Variants in ADGRB3 observed in about 807,000 individuals in gnomAD.
ADGRB3 encodes brain-specific angiogenesis inhibitor 3.
A neutral mutation model predicts 193.4 loss-of-function variants in ADGRB3; 37 were observed. The observed-to-expected ratio is 0.19, with a 90% CI of 0.15 to 0.25. ADGRB3 has a LOEUF of 0.25. Among genes scored for constraint, ADGRB3 ranks in the 10% least tolerant of loss-of-function variants. ADGRB3 has a pLI of 1.00. For synonymous variants in ADGRB3, 690 were observed against 644.2 expected, an observed-to-expected ratio of 1.07 and a Z score of -1.08; for missense variants, 1,637 against 1,852.9, an observed-to-expected ratio of 0.88 and a Z score of 2.14.
intron 17 of ADGRB3, among the ~76,000 whole-genome samples, chr6:69,198,186 ATAAG>A (rs1198166499): frequency 6.6e-6 from 1 of 152,114 alleles, no homozygotes; most frequent in Non-Finnish European, 1.5e-5. Context: ...ATACTAAAAT[ATAAG>A]TTCTGTGAGA....
At chr6:69,283,669 TA>T (rs1767487787) in intron 20 of ADGRB3, among the ~76,000 whole-genome samples, 2 of 151,994 alleles carry the variant, frequency 1.3e-5, no homozygotes, top group Non-Finnish European at 2.9e-5. Context: ...AACTAGCAGC[TA>T]TGATTACAAA....
chr6:68,761,953 A>G (rs1166104109), intron 3 of ADGRB3, among the ~76,000 whole-genome samples: 2 of 152,172 alleles, frequency 1.3e-5, no homozygotes, highest in Non-Finnish European at 1.5e-5. Context: ...TTTTATTCAT[A>G]TCAATCATAT....
intron 17 of ADGRB3, among the ~76,000 whole-genome samples, chr6:69,105,800 C>G (rs747072495): frequency 2.6e-5 from 4 of 152,132 alleles, no homozygotes; most frequent in Non-Finnish European, 1.5e-5. Context: ...TGAACACAGC[C>G]TAGCACCAGG....
At chr6:69,210,269 G>C (rs1421152276) in intron 17 of ADGRB3, among the ~76,000 whole-genome samples, 1 of 150,172 alleles carries the variant, frequency 6.7e-6, no homozygotes, top group Non-Finnish European at 1.5e-5. Flanking sequence ...TTCCAAAACT[G>C]AAGAACTTGG....
chr6:68,728,208 A>T (rs1320429867), intron 3 of ADGRB3, among the ~76,000 whole-genome samples: 1 of 151,452 alleles, frequency 6.6e-6, no homozygotes, highest in Non-Finnish European at 1.5e-5. Context: ...TTTAAAGTGC[A>T]TTTGATTTCT....
chr6:68,991,154 A>G (rs1301892494), intron 10 of ADGRB3, among the ~76,000 whole-genome samples: 1 of 152,074 alleles, frequency 6.6e-6, no homozygotes, highest in African/African-American at 2.4e-5. Context: ...AGTGTTTCCT[A>G]TGGACTATGT....
intron 17 of ADGRB3, among the ~76,000 whole-genome samples, chr6:69,209,801 GTA>G (rs1286091294): frequency 1.3e-5 from 2 of 152,158 alleles, no homozygotes; most frequent in African/African-American, 4.8e-5. Context: ...AAGCTATTAT[GTA>G]TAGAGTCACT....
chr6:68,912,929 G>A (rs967882419), intron 3 of ADGRB3, among the ~76,000 whole-genome samples: 6 of 152,110 alleles, frequency 3.9e-5, no homozygotes, highest in African/African-American at 7.2e-5. Context: ...TGGCTCGGAG[G>A]GTCCTACGCC....
chr6:69,175,191 T>A (rs1775387626), intron 17 of ADGRB3, among the ~76,000 whole-genome samples: 1 of 152,150 alleles, frequency 6.6e-6, no homozygotes, highest in Non-Finnish European at 1.5e-5. Context: ...CTTTCCCAAG[T>A]TTGATGTCCA....
chr6:68,697,945 T>G (rs932763381), intron 3 of ADGRB3, among the ~76,000 whole-genome samples: 9 of 151,570 alleles, frequency 5.9e-5, no homozygotes, highest in Non-Finnish European at 1.2e-4. Context: ...AATAATATCT[T>G]TTATTTGGTT....
chr6:69,067,691 T>C (rs1771947635), intron 16 of ADGRB3, among the ~76,000 whole-genome samples: 2 of 152,120 alleles, frequency 1.3e-5, no homozygotes, highest in Non-Finnish European at 2.9e-5. Context: ...ATTTTGTCTG[T>C]TTACAGTTCT....
chr6:69,323,156 A>G (rs1415057358), intron 20 of ADGRB3, among the ~76,000 whole-genome samples: 1 of 152,012 alleles, frequency 6.6e-6, no homozygotes, highest in Non-Finnish European at 1.5e-5. Context: ...CAACATATTT[A>G]CAGTTTGGTA....
chr6:68,778,246 T>TGATAACTAG (rs1766786055), intron 3 of ADGRB3, among the ~76,000 whole-genome samples: 1 of 152,098 alleles, frequency 6.6e-6, no homozygotes, highest in African/African-American at 2.4e-5. Context: ...TCTAGTCTAG[T>TGATAACTAG]ACATGGTGAA....
chr6:69,275,607 A>C (rs916093807), intron 20 of ADGRB3, among the ~76,000 whole-genome samples: 1 of 152,002 alleles, frequency 6.6e-6, no homozygotes, highest in Admixed American at 6.6e-5. Flanking sequence ...AGTATAATAC[A>C]CATGCAAAAA....
At chr6:69,370,207 T>A (rs1419095688) in intron 29 of ADGRB3, among the ~76,000 whole-genome samples, 1 of 152,124 alleles carries the variant, frequency 6.6e-6, no homozygotes, top group African/African-American at 2.4e-5. Context: ...ATAAATAATA[T>A]TTTATCCGAC....
At chr6:68,765,099 A>G (rs1186981942) in intron 3 of ADGRB3, among the ~76,000 whole-genome samples, 1 of 152,198 alleles carries the variant, frequency 6.6e-6, no homozygotes, top group Non-Finnish European at 1.5e-5. Context: ...TGTGAAGACC[A>G]TAAATGTCTG....
intron 3 of ADGRB3, among the ~76,000 whole-genome samples, chr6:68,850,930 A>C (rs1768385614): frequency 6.6e-6 from 1 of 152,006 alleles, no homozygotes; most frequent in African/African-American, 2.4e-5. Context: ...CATTTTAATC[A>C]TGTGTACTTG....
At chr6:69,059,413 T>G (rs1455204978) in intron 15 of ADGRB3, among the ~76,000 whole-genome samples, 1 of 151,996 alleles carries the variant, frequency 6.6e-6, no homozygotes, top group African/African-American at 2.4e-5. Context: ...TATACTCTCT[T>G]TAAGATATGG....
chr6:68,868,282 G>A (rs519237), intron 3 of ADGRB3, among the ~76,000 whole-genome samples: 2 of 151,936 alleles, frequency 1.3e-5, no homozygotes, highest in Admixed American at 6.5e-5. Context: ...TCCCCCACTT[G>A]CTCTGTCTCT....
Sources: gnomAD v4.1 joint callset for allele counts (sites outside exome capture counted in the v4.1 genomes callset) on GRCh38, gnomAD v4.1.1 for gene constraint, MANE v1.5 for transcripts, NCBI Gene and HGNC (gene_info 2026-07-23, HGNC 2026-07-21) for gene names.